WDR93: variants seen among roughly 807,000 people sequenced by gnomAD.
WDR93 encodes the protein WD repeat domain 93.
WDR93 carries 73 observed loss-of-function variants against 82.9 expected under a neutral mutation model. The observed-to-expected ratio is 0.88, with a 90% confidence interval of 0.73 to 1.07. The LOEUF is 1.07. Ranked by LOEUF, WDR93 falls within the 50% of genes least tolerant of loss-of-function variation. WDR93 has a pLI of 0.00. For missense variants in WDR93, 738 were observed against 826.0 expected, an observed-to-expected ratio of 0.89 and a Z score of 1.31; for synonymous variants, 283 against 300.1, an observed-to-expected ratio of 0.94 and a Z score of 0.59.
At chr15:89,718,457 G>T (rs993222736) in intron 7 of WDR93, among the ~76,000 whole-genome samples, 11 of 151,146 alleles carry the variant, frequency 7.3e-5, no homozygotes, top group Non-Finnish European at 1.6e-4. Flanking sequence ...CTGGGAGACA[G>T]CTGTCTAAAA....
At position 89,738,083 on chromosome 15, in the gene WDR93, T is replaced by A. The variant is rs1967355082; in HGVS notation, c.1808T>A (p.Ile603Asn). The change falls in exon 16 of 17, where the codon ATC (isoleucine) becomes AAC (asparagine). Residue 603 changes from isoleucine (I) to asparagine (N), a missense_variant. Transcript: ENST00000268130. ...ACTGCGTCCACCGACGATGCTGGAATCCAATATTCTGTTTTCTATTTTAAT... is the reference window on the plus strand; with the variant it reads ...ACTGCGTCCACCGACGATGCTGGAAACCAATATTCTGTTTTCTATTTTAAT... ...HETASTDDAG[I>N]QYSVFYFNFE... 6.2e-7 allele frequency: 1 copy of A among 1,613,588 alleles called. No individual in the cohort carries two copies. Among genetic ancestry groups the A allele is most frequent in the African/African-American group, 1.3e-5 (1 of 74,980 alleles).
chr15:89,712,017 T>TAAA lies in WDR93; in HGVS notation c.562-9_562-8insAAA. ...ATGCCTACTCTATCAACATCTCTTTTGTTTTCAGGATGATACCAGCAAGCA... is the reference window on the plus strand; with the variant it reads ...ATGCCTACTCTATCAACATCTCTTTTAAAGTTTTCAGGATGATACCAGCAAGCA... On this transcript the variant is annotated splice_polypyrimidine_tract_variant and intron_variant, in intron 4 of 16. Coordinates refer to ENST00000268130, the MANE Select transcript of WDR93 (RefSeq NM_020212.2). 6.2e-7 allele frequency: 1 copy of TAAA among 1,611,440 alleles called. No homozygotes were observed. The highest frequency in any genetic ancestry group is 8.5e-7 in the Non-Finnish European group (1 of 1,178,216).
At chr15:89,709,316 T>C (rs201476672) in intron 4 of WDR93, among the ~76,000 whole-genome samples, 1 of 151,976 alleles carries the variant, frequency 6.6e-6, no homozygotes, top group East Asian at 1.9e-4. Context: ...CTGGGCAGGG[T>C]GGGGGTGATT....
chr15:89,740,495 T>TTATTTG (rs1967576398), intron 16 of WDR93, among the ~76,000 whole-genome samples: 1 of 151,704 alleles, frequency 6.6e-6, no homozygotes, highest in African/African-American at 2.4e-5. Context: ...AGGGTTTTTG[T>TTATTTG]TTTTTGTTTT....
Position 89,701,796 on chromosome 15 carries a change from G to A in WDR93, c.50G>A (p.Gly17Asp), listed in dbSNP as rs1437302149. 6.2e-7 allele frequency: 1 copy of A among 1,614,102 alleles called. No individual in the cohort carries two copies. Among genetic ancestry groups the A allele is most frequent in the East Asian group, 2.2e-5 (1 of 44,882 alleles). Residue 17 changes from glycine (G) to aspartate (D), a missense_variant, in exon 2 of 17, where the codon GGT (glycine) becomes GAT (aspartate). Transcript: ENST00000268130. ...ACCCAGAAAATAAAGCACCCCATTGGTACACGAAAGGGACCATTGGAGGTG... is the reference window on the plus strand; with the variant it reads ...ACCCAGAAAATAAAGCACCCCATTGATACACGAAAGGGACCATTGGAGGTG... The part of the protein sequence containing the change: ...SQTQKIKHPI[G>D]TRKGPLEVPP...
At position 89,742,393 on chromosome 15, in the gene WDR93, C is replaced by T. The variant is rs555265102; in HGVS notation, c.1962-899C>T. Among the ~76,000 whole-genome samples, 194 of 152,234 alleles carry T rather than the reference C, an allele frequency of 1.3e-3. 2 individuals are homozygous for T. The highest frequency in any genetic ancestry group is 2.3e-3 in the Non-Finnish European group (156 of 68,026). On this transcript the variant is annotated intron_variant, in intron 16 of 16. Transcript: ENST00000268130. ...TAACATCATTCACTTGCACCTCCTTCCCTACCACAACCCCACTGACAGCCC... is the reference window on the plus strand; with the variant it reads ...TAACATCATTCACTTGCACCTCCTTTCCTACCACAACCCCACTGACAGCCC...
intron 1 of WDR93, among the ~76,000 whole-genome samples, chr15:89,698,618 G>A (rs1965303282): frequency 6.6e-6 from 1 of 152,100 alleles, no homozygotes; most frequent in Non-Finnish European, 1.5e-5. Flanking sequence ...AGGGTTTAGA[G>A]TATGCATCTT....
At chr15:89,701,483 A>G (rs1307915335) in intron 1 of WDR93, among the ~76,000 whole-genome samples, 11 of 152,190 alleles carry the variant, frequency 7.2e-5, no homozygotes, top group Non-Finnish European at 7.3e-5. Context: ...CCTTCTTAGT[A>G]CACATCATCT....
chr15:89,737,967 C>G (rs1967342731), intron 15 of WDR93, 74 bp from the exon 16 acceptor site: 2 of 1,489,154 alleles, frequency 1.3e-6, no homozygotes, highest in Non-Finnish European at 1.8e-6. Context: ...CAGCCCCCAC[C>G]TGCTCACCTG....
chr15:89,726,869 C>T (rs536346660), intron 8 of WDR93, among the ~76,000 whole-genome samples: 66 of 152,276 alleles, frequency 4.3e-4, no homozygotes, highest in African/African-American at 1.4e-3. Flanking sequence ...CCACCGCCCC[C>T]CACACCCTGG....
chr15:89,733,303 C>A, intron 13 of WDR93, 84 bp downstream of exon 13: 1 of 1,293,200 alleles, frequency 7.7e-7, no homozygotes, highest in South Asian at 1.4e-5. Context: ...GACAGCCTCT[C>A]TGACTACAGT....
At chr15:89,715,203 G>C in intron 6 of WDR93, 108 bp downstream of exon 6, 2 of 854,172 alleles carry the variant, frequency 2.3e-6, no homozygotes, top group South Asian at 1.8e-5. Context: ...GGCTATAAGA[G>C]AGGACAACAG....
At chr15:89,714,727 G>A (rs1301090664) in intron 5 of WDR93, among the ~76,000 whole-genome samples, 1 of 152,210 alleles carries the variant, frequency 6.6e-6, no homozygotes, top group Non-Finnish European at 1.5e-5. Flanking sequence ...TGCTGTTAGT[G>A]TGAGAAGCCC....
intron 1 of WDR93, among the ~76,000 whole-genome samples, chr15:89,700,119 A>G (rs1436461393): frequency 6.6e-6 from 1 of 152,130 alleles, no homozygotes; most frequent in East Asian, 1.9e-4. Context: ...CTAAGATTTG[A>G]TGGGTGACAA....
intron 9 of WDR93, among the ~76,000 whole-genome samples, chr15:89,728,270 T>G (rs1966815952): frequency 6.6e-6 from 1 of 152,152 alleles, no homozygotes; most frequent in Non-Finnish European, 1.5e-5. Flanking sequence ...CAAGTTGTGT[T>G]GGAGAGCCCC....
intron 1 of WDR93, among the ~76,000 whole-genome samples, chr15:89,699,046 G>C (rs1430290456): frequency 6.6e-6 from 1 of 151,924 alleles, no homozygotes; most frequent in Non-Finnish European, 1.5e-5. Flanking sequence ...TTTTTTTATA[G>C]AATAAAGGTC....
intron 16 of WDR93, among the ~76,000 whole-genome samples, chr15:89,738,626 C>CAA (rs34617270): frequency 0.016 from 1,287 of 81,408 alleles, 26 homozygotes; most frequent in African/African-American, 0.057. Context: ...GACTCTGTCC[C>CAA]AAAAAAAAAA....
At chr15:89,740,966 C>T (rs546467153) in intron 16 of WDR93, among the ~76,000 whole-genome samples, 7 of 151,892 alleles carry the variant, frequency 4.6e-5, no homozygotes, top group South Asian at 2.1e-4. Context: ...ATGGTGAAAC[C>T]CCGTCTCTAC....
intron 7 of WDR93, among the ~76,000 whole-genome samples, chr15:89,720,518 G>T (rs746387826): frequency 1.3e-5 from 2 of 152,128 alleles, no homozygotes; most frequent in Non-Finnish European, 2.9e-5. Flanking sequence ...TGATTCGCCC[G>T]CCTCGACCTC....
Sources: allele counts gnomAD v4.1 joint callset (sites outside exome capture counted in the v4.1 genomes callset), GRCh38; gene constraint gnomAD v4.1.1; transcripts MANE v1.5; gene names NCBI Gene and HGNC (gene_info 2026-07-23, HGNC 2026-07-21).